Variants in TGFBR3 observed in about 807,000 individuals in gnomAD.
The protein encoded by TGFBR3 is transforming growth factor beta receptor type 3.
Under a neutral mutation model 87.9 loss-of-function variants are expected in TGFBR3, and 46 were observed. The ratio of observed to expected loss-of-function variants is 0.52; its 90% CI spans 0.41 to 0.67. The LOEUF (loss-of-function observed/expected upper bound fraction) is 0.67, where lower values mean the gene tolerates loss of function less well. TGFBR3 is among the 30% of genes least tolerant of loss of function. TGFBR3 has a pLI of 0.00. For missense variants in TGFBR3, 866 were observed against 1,041.9 expected (o/e 0.83, Z 2.32); for synonymous variants, 381 against 391.6 (o/e 0.97, Z 0.32).
intron 4 of TGFBR3, among the ~76,000 whole-genome samples, chr1:91,745,734 A>C (rs959387851): frequency 7.9e-5 from 12 of 152,214 alleles, no homozygotes; most frequent in African/African-American, 2.9e-4. Context: ...TGCAATCCGA[A>C]ACATGTTTTC....
At chr1:91,737,198 T>TAAG (rs1157647748) in intron 4 of TGFBR3, among the ~76,000 whole-genome samples, 3 of 152,014 alleles carry the variant, frequency 2.0e-5, no homozygotes, top group Non-Finnish European at 4.4e-5. Context: ...CACATTCCAA[T>TAAG]AAGAAGAAAG....
At chr1:91,905,555 C>T (rs6604064) in intron 1 of TGFBR3, among the ~76,000 whole-genome samples, 67,048 of 151,942 alleles carry the variant, frequency 0.44, 15,242 homozygotes, top group Non-Finnish European at 0.52. Context: ...GCCTCAGCCT[C>T]CCAAGTGGCT....
chr1:91,744,998 G>A (rs1394837936), intron 4 of TGFBR3, among the ~76,000 whole-genome samples: 1 of 117,964 alleles, frequency 8.5e-6, no homozygotes, highest in African/African-American at 3.3e-5. Flanking sequence ...ATCTGTTCCA[G>A]GAATCTCAAA....
At chr1:91,867,038 G>A (rs1269612486) in intron 1 of TGFBR3, among the ~76,000 whole-genome samples, 1 of 152,220 alleles carries the variant, frequency 6.6e-6, no homozygotes, top group East Asian at 1.9e-4. Flanking sequence ...TCAGAATGGA[G>A]CCTCAGTTTC....
chr1:91,863,019 AAG>A (rs543074458), intron 1 of TGFBR3, among the ~76,000 whole-genome samples: 188 of 152,340 alleles, frequency 1.2e-3, no homozygotes, highest in African/African-American at 4.0e-3. Flanking sequence ...TCAAGTGACA[AAG>A]AGAGATATTT....
chr1:91,781,663 A>G (rs1220840389), intron 3 of TGFBR3, among the ~76,000 whole-genome samples: 1 of 152,242 alleles, frequency 6.6e-6, no homozygotes, highest in Non-Finnish European at 1.5e-5. Context: ...TTAAGAACAC[A>G]TGACAAAACA....
intron 1 of TGFBR3, among the ~76,000 whole-genome samples, chr1:91,869,369 A>G (rs1678501312): frequency 1.3e-5 from 2 of 152,200 alleles, no homozygotes; most frequent in Non-Finnish European, 2.9e-5. Context: ...GCACACTACA[A>G]TAAAAATAGT....
chr1:91,765,176 G>C (rs1244479104), intron 3 of TGFBR3, among the ~76,000 whole-genome samples: 2 of 150,848 alleles, frequency 1.3e-5, no homozygotes, highest in Admixed American at 1.3e-4. Context: ...TTGGATGTTT[G>C]TCCCCCCTGT....
chr1:91,761,182 C>A (rs1266464567), intron 3 of TGFBR3, among the ~76,000 whole-genome samples: 1 of 152,124 alleles, frequency 6.6e-6, no homozygotes, highest in African/African-American at 2.4e-5. Context: ...CTACAAAATA[C>A]TAGTAAGTAT....
chr1:91,837,631 T>G (rs1193867003), intron 2 of TGFBR3, among the ~76,000 whole-genome samples: 1 of 152,240 alleles, frequency 6.6e-6, no homozygotes, highest in South Asian at 2.1e-4. Flanking sequence ...ATTTAAATGA[T>G]TTATGTAAAT....
chr1:91,874,917 A>C (rs556074084), intron 1 of TGFBR3, among the ~76,000 whole-genome samples: 5 of 152,320 alleles, frequency 3.3e-5, no homozygotes, highest in African/African-American at 1.2e-4. Context: ...GGTTGTTCTC[A>C]TCTTTAGAGA....
chr1:91,895,790 C>T (rs1228024654), intron 2 of TGFBR3, among the ~76,000 whole-genome samples: 1 of 152,182 alleles, frequency 6.6e-6, no homozygotes, highest in Non-Finnish European at 1.5e-5. Flanking sequence ...AAAAACTCAA[C>T]TCTTGATTCT....
chr1:91,790,605 A>C (rs1222470866), intron 3 of TGFBR3, among the ~76,000 whole-genome samples: 3 of 152,214 alleles, frequency 2.0e-5, no homozygotes, highest in African/African-American at 7.2e-5. Flanking sequence ...ATTTGTTTAG[A>C]AACCAAATTT....
chr1:91,694,322 A>C (rs1000688006), intron 16 of TGFBR3, among the ~76,000 whole-genome samples: 1 of 152,220 alleles, frequency 6.6e-6, no homozygotes, highest in Non-Finnish European at 1.5e-5. Flanking sequence ...AAGTATCCTG[A>C]CTAGGAACAA....
At chr1:91,785,859 C>A (rs539442945) in intron 3 of TGFBR3, among the ~76,000 whole-genome samples, 2 of 151,438 alleles carry the variant, frequency 1.3e-5, no homozygotes, top group African/African-American at 4.9e-5. Flanking sequence ...CCTCAACCTT[C>A]GGGCTCAAGT....
chr1:91,684,439 A>G (rs199657219), intron 16 of TGFBR3, among the ~76,000 whole-genome samples: 1 of 152,192 alleles, frequency 6.6e-6, no homozygotes, highest in Admixed American at 6.5e-5. Context: ...GATAGCTGCT[A>G]TTGGAAAAAC....
chr1:91,824,074 G>A (rs886360101), intron 2 of TGFBR3, among the ~76,000 whole-genome samples: 2 of 152,178 alleles, frequency 1.3e-5, no homozygotes, highest in Non-Finnish European at 2.9e-5. Flanking sequence ...AGGGTGCAGT[G>A]AGCCGAGACT....
chr1:91,877,165 A>G (rs984408710), intron 1 of TGFBR3, among the ~76,000 whole-genome samples: 5 of 152,148 alleles, frequency 3.3e-5, no homozygotes, highest in African/African-American at 1.2e-4. Flanking sequence ...ATTTTCTCCC[A>G]ACAAATTAGA....
intron 1 of TGFBR3, among the ~76,000 whole-genome samples, chr1:91,905,600 T>C (rs972573206): frequency 1.3e-5 from 2 of 151,926 alleles, no homozygotes; most frequent in Non-Finnish European, 2.9e-5. Context: ...GCAAAGCTAA[T>C]TTTTTGTATT....
Sources: allele counts gnomAD v4.1 joint callset (sites outside exome capture counted in the v4.1 genomes callset), GRCh38; gene constraint gnomAD v4.1.1; transcripts MANE v1.5; gene names NCBI Gene and HGNC (gene_info 2026-07-23, HGNC 2026-07-21).